Variants in SLC23A2 observed in about 807,000 individuals in gnomAD.
SLC23A2 encodes solute carrier family 23 member 2.
SLC23A2 carries 36 observed loss-of-function variants against 73.3 expected under a neutral mutation model. The ratio of observed to expected loss-of-function variants is 0.49; its 90% CI spans 0.38 to 0.65. The LOEUF is 0.65. Ranked by LOEUF, SLC23A2 falls within the 30% of genes least tolerant of loss-of-function variation. The pLI, the probability that SLC23A2 is intolerant of heterozygous loss-of-function variation, is 0.00. For synonymous variants in SLC23A2, 343 were observed against 327.3 expected (o/e 1.05, Z -0.52); for missense variants, 507 against 841.6 (o/e 0.60, Z 4.92).
In SLC23A2 at chr20:4,874,706, G is replaced by A; in HGVS notation, c.825-10C>T. 1 of 1,573,986 alleles carries A rather than the reference G, an allele frequency of 6.4e-7. No individual in the cohort carries two copies. Among genetic ancestry groups the A allele is most frequent in the Non-Finnish European group, 8.6e-7 (1 of 1,159,728 alleles). On this transcript the variant is annotated splice_polypyrimidine_tract_variant and intron_variant, in intron 9 of 16. Coordinates refer to ENST00000338244, the MANE Select transcript of SLC23A2 (RefSeq NM_005116.6). The stretch of plus-strand genomic sequence containing the variant: ...TACTAGGAATATTGTCCTGAGGAGA[G>A]AAAGAAAACAAACTAGGTCAAAAGC...
chr20:4,913,887 A>T (rs1932241296), intron 3 of SLC23A2, among the ~76,000 whole-genome samples: 1 of 151,968 alleles, frequency 6.6e-6, no homozygotes, highest in African/African-American at 2.4e-5. Flanking sequence ...TCAGCCTCCC[A>T]AAGTGCTGGG....
chr20:4,870,351 G>A (rs1476456999), intron 11 of SLC23A2, among the ~76,000 whole-genome samples: 1 of 152,198 alleles, frequency 6.6e-6, no homozygotes. Context: ...GGCCGAGGCA[G>A]GCAGATCACG....
intron 3 of SLC23A2, among the ~76,000 whole-genome samples, chr20:4,932,055 T>C (rs1841153983): frequency 6.6e-6 from 1 of 152,256 alleles, no homozygotes; most frequent in Non-Finnish European, 1.5e-5. Flanking sequence ...GCTGCCATAA[T>C]ACATATGGAC....
intron 8 of SLC23A2, among the ~76,000 whole-genome samples, 187 bp from the exon 9 acceptor site, chr20:4,884,010 G>A (rs1012911454): frequency 7.9e-5 from 12 of 152,244 alleles, no homozygotes. Context: ...ACTGGGGCCT[G>A]CATTCATGAT....
chr20:4,910,270 A>G (rs187450648), intron 4 of SLC23A2, among the ~76,000 whole-genome samples: 47 of 151,770 alleles, frequency 3.1e-4, no homozygotes, highest in African/African-American at 1.1e-3. Context: ...CCAGCTACTC[A>G]GGAGGCTGAG....
intron 6 of SLC23A2, among the ~76,000 whole-genome samples, chr20:4,892,262 C>T (rs1931360016): frequency 6.6e-6 from 1 of 152,058 alleles, no homozygotes; most frequent in Admixed American, 6.5e-5. Context: ...TCTCGGCTCA[C>T]TGCAACCTCT....
At chr20:5,004,104 CT>C (rs201532227), upstream of SLC23A2, among the ~76,000 whole-genome samples, 1,088 of 152,280 alleles carry the variant, frequency 7.1e-3, 20 homozygotes, top group African/African-American at 0.025. Flanking sequence ...TCCCAAACCT[CT>C]CTCCCTAGAC....
chr20:4,890,959 A>G (rs1776959), intron 6 of SLC23A2, among the ~76,000 whole-genome samples: 79,819 of 152,070 alleles, frequency 0.52, 21,936 homozygotes, highest in African/African-American at 0.67. Context: ...ACTTAGGAGG[A>G]TGGGGGTAGC....
In SLC23A2 at chr20:4,908,377, C is replaced by T. The variant is rs139061805; in HGVS notation, c.207+4503G>A. Among the ~76,000 whole-genome samples the T allele has an allele frequency of 3.9e-3, 600 of 152,112 alleles. 6 individuals are homozygous for T. Among genetic ancestry groups the T allele is most frequent in the African/African-American group, 0.013 (552 of 41,496 alleles). On this transcript the variant is annotated intron_variant, in intron 4 of 16. Coordinates refer to ENST00000338244, the MANE Select transcript of SLC23A2 (RefSeq NM_005116.6). ...GGCTTGTACCATGTTACATTAACAA[C>T]GAAAAATTGTTCCAGATTAAAGGAG...
At chr20:4,971,299 A>AACACACACACACAC (rs35758430) in intron 1 of SLC23A2, among the ~76,000 whole-genome samples, 6 of 142,422 alleles carry the variant, frequency 4.2e-5, no homozygotes, top group African/African-American at 1.6e-4. Context: ...GTCTCTACAA[A>AACACACACACACAC]ACACACACAC....
rs898090529 is a variant in SLC23A2, at chr20:4,902,009, C to G, written c.324+433G>C. ...TCCTCCTGCTGTGATGTCAACAATTCCCATTCATCATTTGTTTTTTGAGAC... is the reference window on the plus strand; with the variant it reads ...TCCTCCTGCTGTGATGTCAACAATTGCCATTCATCATTTGTTTTTTGAGAC... On this transcript the variant is annotated intron_variant, in intron 5 of 16. Coordinates refer to ENST00000338244, the MANE Select transcript of SLC23A2 (RefSeq NM_005116.6). The surrounding 1 kb of genome is among the most constrained non-coding windows in gnomAD (Gnocchi z 4.0). Among the ~76,000 whole-genome samples the G allele has an allele frequency of 5.9e-5, 9 of 152,122 alleles. No individual in the cohort carries two copies. Among genetic ancestry groups the G allele is most frequent in the Admixed American group, 6.6e-5 (1 of 15,264 alleles).
intron 1 of SLC23A2, among the ~76,000 whole-genome samples, chr20:5,009,026 T>G (rs2088220979): frequency 6.6e-6 from 1 of 152,170 alleles, no homozygotes; most frequent in African/African-American, 2.4e-5. Flanking sequence ...ATTCTTGTAT[T>G]CCTCTGAAAC....
In SLC23A2 at chr20:4,874,559, A is replaced by G. The variant is rs779088079; in HGVS notation, c.945+17T>C. 3 of 1,579,860 alleles carry G rather than the reference A, an allele frequency of 1.9e-6. No homozygotes were observed. The East Asian group carries it at 6.8e-5, about 36-fold the overall frequency. Reference sequence around the variant, plus strand: ...CAAGGGCAAAAATGTCAGCAGGGGAAGAAGTCAGCTACTCACAGGGAACAT... The same window carrying G: ...CAAGGGCAAAAATGTCAGCAGGGGAGGAAGTCAGCTACTCACAGGGAACAT... On this transcript the variant is annotated intron_variant, in intron 10 of 16. Transcript: ENST00000338244.
At chr20:4,996,819 A>G (rs6139606) in intron 1 of SLC23A2, among the ~76,000 whole-genome samples, 50,854 of 151,916 alleles carry the variant, frequency 0.33, 9,399 homozygotes, top group Admixed American at 0.41. Flanking sequence ...CTGAGGTCAC[A>G]GACTTGGCTG....
At chr20:4,992,438 AACATGAGTGAAT>A (rs1054758728) in intron 1 of SLC23A2, among the ~76,000 whole-genome samples, 7 of 152,084 alleles carry the variant, frequency 4.6e-5, no homozygotes, top group African/African-American at 1.7e-4. Flanking sequence ...ACTAAGAGAA[AACATGAGTGAAT>A]ACCTATAAAA....
chr20:4,983,910 C>T (rs1307859506), intron 1 of SLC23A2, among the ~76,000 whole-genome samples: 1 of 150,688 alleles, frequency 6.6e-6, no homozygotes, highest in Non-Finnish European at 1.5e-5. Flanking sequence ...GAGCCAAGAT[C>T]GCGCCATTGC....
intron 1 of SLC23A2, among the ~76,000 whole-genome samples, chr20:4,975,759 T>C (rs1036745926): frequency 2.0e-5 from 3 of 151,878 alleles, no homozygotes; most frequent in Non-Finnish European, 4.4e-5. Context: ...CTTTGATCCA[T>C]GTGTCTACAG....
intron 5 of SLC23A2, among the ~76,000 whole-genome samples, chr20:4,900,126 C>G (rs1003801635): frequency 1.3e-5 from 2 of 152,240 alleles, no homozygotes; most frequent in African/African-American, 4.8e-5. Context: ...CTGCCTCTCC[C>G]TCTCCAAAGT....
chr20:4,972,572 T>TTG (rs2087579266), intron 1 of SLC23A2, among the ~76,000 whole-genome samples: 2 of 147,212 alleles, frequency 1.4e-5, no homozygotes, highest in Admixed American at 1.4e-4. Flanking sequence ...GGGGGTTTTT[T>TTG]GGGGTTTTTT....
Sources: gnomAD v4.1 joint callset for allele counts (sites outside exome capture counted in the v4.1 genomes callset) on GRCh38, gnomAD v4.1.1 for gene constraint, Gnocchi (gnomAD v3.1) non-coding constraint, MANE v1.5 for transcripts, NCBI Gene and HGNC (gene_info 2026-07-23, HGNC 2026-07-21) for gene names.